Variants in ROR1 observed in about 807,000 individuals in gnomAD.
The protein encoded by ROR1 is ROR family WNT receptor 1.
A neutral mutation model predicts 78.8 loss-of-function variants in ROR1; 19 were observed. The ratio of observed to expected loss-of-function variants is 0.24; its 90% CI spans 0.17 to 0.35. The LOEUF (loss-of-function observed/expected upper bound fraction) is 0.35. Among genes scored for constraint, ROR1 ranks in the 10% least tolerant of loss-of-function variants. The pLI is 1.00. For synonymous variants in ROR1, 386 were observed against 433.6 expected (o/e 0.89, Z 1.36); for missense variants, 917 against 1,177.8 (o/e 0.78, Z 3.24).
intron 8 of ROR1, among the ~76,000 whole-genome samples, chr1:64,176,089 A>G (rs1251773263): frequency 6.6e-6 from 1 of 152,278 alleles, no homozygotes; most frequent in African/African-American, 2.4e-5. Context: ...TAGTAAAAAC[A>G]TATAACATTA....
At chr1:63,895,882 T>C (rs1645435324) in intron 1 of ROR1, among the ~76,000 whole-genome samples, 1 of 152,186 alleles carries the variant, frequency 6.6e-6, no homozygotes, top group African/African-American at 2.4e-5. Flanking sequence ...TGTTTTGTGC[T>C]CAGAAAATAA....
At chr1:64,083,552 C>T (rs1569710063) in intron 4 of ROR1, among the ~76,000 whole-genome samples, 1 of 111,976 alleles carries the variant, frequency 8.9e-6, no homozygotes, top group Admixed American at 8.7e-5. Flanking sequence ...GAACACCTAA[C>T]CATTTCCAGA....
At chr1:64,012,092 C>T (rs930823446) in intron 2 of ROR1, among the ~76,000 whole-genome samples, 6 of 152,070 alleles carry the variant, frequency 3.9e-5, no homozygotes, top group East Asian at 1.9e-4. Context: ...AAATGAAGAA[C>T]AAGTTCAATA....
chr1:63,818,886 A>G, intron 1 of ROR1, among the ~76,000 whole-genome samples: 1 of 152,134 alleles, frequency 6.6e-6, no homozygotes, highest in East Asian at 1.9e-4. Flanking sequence ...CTGGGATTTG[A>G]GACTGGTGTG....
At position 64,178,394 on chromosome 1, in the gene ROR1, A is replaced by G. The variant is rs1178838118; in HGVS notation, c.2353A>G (p.Arg785Gly). 1.2e-6 allele frequency: 2 copies of G among 1,614,206 alleles called. No homozygotes were observed. The highest frequency in any genetic ancestry group is 1.7e-6 in the Non-Finnish European group (2 of 1,180,032). Residue 785 changes from arginine to glycine, a missense_variant, in exon 9 of 9, where the codon AGA becomes GGA. By Grantham distance (125) the Arg-to-Gly change is moderately radical (BLOSUM62 -2). Around this residue, in one of 3 missense-constraint regions of ROR1, gnomAD observed 835 missense variants for 1,069.8 expected, o/e 0.78. Coordinates refer to ENST00000371079, the MANE Select transcript of ROR1 (RefSeq NM_005012.4). This position sits in a 1 kb window ranked among gnomAD's most constrained non-coding sequence, Gnocchi z 4.3. Reference sequence around the variant, plus strand: ...CCCAGTGAGTAATCTCAGTAACCCCAGATATCCTAATTACATGTTCCCGAG... The same window carrying G: ...CCCAGTGAGTAATCTCAGTAACCCCGGATATCCTAATTACATGTTCCCGAG... ...ASPVSNLSNP[R>G]YPNYMFPSQG...
intron 1 of ROR1, among the ~76,000 whole-genome samples, chr1:63,953,593 A>G (rs1290681907): frequency 3.9e-5 from 6 of 152,236 alleles, no homozygotes; most frequent in Non-Finnish European, 8.8e-5. Context: ...GCTTGTGATT[A>G]GAGAGAATGT....
chr1:64,159,256 A>G (rs1649867342), intron 8 of ROR1, 64 bp downstream of exon 8: 1 of 1,239,820 alleles, frequency 8.1e-7, no homozygotes. Flanking sequence ...CCATGTTATA[A>G]CCCTCCCAAG....
chr1:63,913,280 TC>T (rs1238610919), intron 1 of ROR1, among the ~76,000 whole-genome samples: 1 of 152,194 alleles, frequency 6.6e-6, no homozygotes, highest in African/African-American at 2.4e-5. Flanking sequence ...AAGGTTTTTT[TC>T]TATATTTCTA....
chr1:64,133,535 A>G (rs150161796), intron 4 of ROR1, among the ~76,000 whole-genome samples: 1 of 152,196 alleles, frequency 6.6e-6, no homozygotes, highest in Non-Finnish European at 1.5e-5. Flanking sequence ...TCCCAATCCC[A>G]TGGCAGAGAA....
intron 4 of ROR1, among the ~76,000 whole-genome samples, chr1:64,073,089 T>C (rs533680500): frequency 3.9e-5 from 6 of 152,338 alleles, no homozygotes; most frequent in African/African-American, 1.2e-4. Context: ...TGCAGAAGCA[T>C]TGAAATTCCA....
chr1:63,848,857 G>C (rs1645097315), intron 1 of ROR1, among the ~76,000 whole-genome samples: 1 of 152,182 alleles, frequency 6.6e-6, no homozygotes. Flanking sequence ...TGTGAAGACA[G>C]AATGATTTAG....
intron 4 of ROR1, among the ~76,000 whole-genome samples, chr1:64,131,475 C>G (rs968514134): frequency 6.6e-6 from 1 of 152,110 alleles, no homozygotes; most frequent in African/African-American, 2.4e-5. Context: ...CGACCTCCCC[C>G]ACCTTGAGGC....
chr1:63,776,480 C>T (rs1644617021), intron 1 of ROR1, among the ~76,000 whole-genome samples: 1 of 152,210 alleles, frequency 6.6e-6, no homozygotes, highest in Non-Finnish European at 1.5e-5. Flanking sequence ...ATGATGGGTA[C>T]ATGACTGGGG....
chr1:64,084,405 C>G (rs562335899), intron 4 of ROR1, among the ~76,000 whole-genome samples: 1 of 152,310 alleles, frequency 6.6e-6, no homozygotes, highest in African/African-American at 2.4e-5. Flanking sequence ...CAGAAAAAAT[C>G]ACGATTACTG....
chr1:63,960,982 G>A (rs1459511177), intron 1 of ROR1, among the ~76,000 whole-genome samples: 6 of 152,134 alleles, frequency 3.9e-5, no homozygotes, highest in Non-Finnish European at 8.8e-5. Context: ...ATGTTTTAGG[G>A]ACTGTCATGA....
intron 1 of ROR1, chr1:63,843,554 C>A: frequency 2.7e-6 from 2 of 732,728 alleles, no homozygotes; most frequent in Non-Finnish European, 4.9e-6. Flanking sequence ...GGATGATGTT[C>A]TTCTTGTCCT....
rs919142682 is a variant in ROR1 at position 64,079,261 on chromosome 1, A to G, written c.482+28545A>G. On this transcript the variant is annotated intron_variant, in intron 4 of 8. Coordinates refer to ENST00000371079, the MANE Select transcript of ROR1 (RefSeq NM_005012.4). ...TGTAAGTAAGTAGCACTATCCAGCA[A>G]TGGAATAATCTGCCTCTTGAAGGAT... is the stretch of plus-strand genomic sequence containing the variant. 1.1e-4 allele frequency among the ~76,000 whole-genome samples: 16 copies of G among 152,336 alleles called. 1 individual carries two copies. Among genetic ancestry groups the G allele is most frequent in the East Asian group, 1.9e-4 (1 of 5,178 alleles).
chr1:63,947,634 G>T (rs1645901151), intron 1 of ROR1, among the ~76,000 whole-genome samples: 1 of 152,138 alleles, frequency 6.6e-6, no homozygotes, highest in African/African-American at 2.4e-5. Context: ...CCGGCGGGAG[G>T]TGATAGCTGA....
chr1:63,939,037 AAGG>A (rs1275570117), intron 1 of ROR1, among the ~76,000 whole-genome samples: 1 of 152,166 alleles, frequency 6.6e-6, no homozygotes, highest in Non-Finnish European at 1.5e-5. Context: ...GAATTTTACT[AAGG>A]AGCAAATTTC....
Sources: gnomAD v4.1 joint callset for allele counts (sites outside exome capture counted in the v4.1 genomes callset) on GRCh38, gnomAD v4.1.1 for gene constraint, gnomAD v4.1.1 regional missense constraint, Gnocchi (gnomAD v3.1) non-coding constraint, MANE v1.5 for transcripts, NCBI Gene and HGNC (gene_info 2026-07-23, HGNC 2026-07-21) for gene names.